Variants in PIK3CD observed in about 807,000 individuals in gnomAD.
PIK3CD encodes the protein phosphatidylinositol-4,5-bisphosphate 3-kinase catalytic subunit delta.
PIK3CD carries 20 observed loss-of-function variants against 122.9 expected under a neutral mutation model. The observed-to-expected ratio is 0.16, with a 90% confidence interval of 0.11 to 0.24. PIK3CD has a LOEUF of 0.24. Ranked by LOEUF, PIK3CD falls within the 10% of genes least tolerant of loss-of-function variation. The probability of loss-of-function intolerance (pLI) is 1.00; values close to 1 mark genes in which losing one functional copy is unlikely to be tolerated. For synonymous variants in PIK3CD, 596 were observed against 593.4 expected (o/e 1.00, Z -0.06); for missense variants, 787 against 1,406.3 (o/e 0.56, Z 7.04).
chr1:9,655,169 G>T (rs1644810805), intron 1 of PIK3CD, among the ~76,000 whole-genome samples: 1 of 152,148 alleles, frequency 6.6e-6, no homozygotes, highest in Non-Finnish European at 1.5e-5. Context: ...AGAGAAGATG[G>T]TCTAGAAGCA....
chr1:9,656,549 T>C (rs979837957), intron 1 of PIK3CD, among the ~76,000 whole-genome samples: 2 of 152,028 alleles, frequency 1.3e-5, no homozygotes, highest in African/African-American at 4.8e-5. Flanking sequence ...GGATCACTTG[T>C]GCCCAGGAGT....
At chr1:9,711,336 C>G (rs1647044915) in intron 3 of PIK3CD, among the ~76,000 whole-genome samples, 1 of 152,154 alleles carries the variant, frequency 6.6e-6, no homozygotes, top group Non-Finnish European at 1.5e-5. Context: ...CTCAAGTGAT[C>G]CACCCGCTTC....
chr1:9,675,510 A>C (rs948260916), intron 1 of PIK3CD, among the ~76,000 whole-genome samples: 1 of 152,134 alleles, frequency 6.6e-6, no homozygotes, highest in Non-Finnish European at 1.5e-5. Flanking sequence ...ACCCAGCCAG[A>C]AAGTGGCAGA....
At chr1:9,706,860 G>A (rs558397135) in intron 2 of PIK3CD, among the ~76,000 whole-genome samples, 133 of 149,630 alleles carry the variant, frequency 8.9e-4, no homozygotes, top group Non-Finnish European at 1.5e-3. Context: ...GTATTGCCAA[G>A]CTGGTGTGTA....
chr1:9,653,689 A>C (rs1644748970), intron 1 of PIK3CD: 2 of 760,104 alleles, frequency 2.6e-6, no homozygotes, highest in African/African-American at 3.6e-5. Flanking sequence ...GCTGCGACCA[A>C]ACGCAAGGAG....
At chr1:9,714,943 G>A (rs1174784631) in intron 3 of PIK3CD, among the ~76,000 whole-genome samples, 1 of 152,076 alleles carries the variant, frequency 6.6e-6, no homozygotes, top group African/African-American at 2.4e-5. Context: ...GGCCGAGGTG[G>A]GTGGATCACC....
At chr1:9,690,992 A>G (rs1646177206) in intron 1 of PIK3CD, among the ~76,000 whole-genome samples, 1 of 151,546 alleles carries the variant, frequency 6.6e-6, no homozygotes. Context: ...CTCCCCTCAC[A>G]CTCTTCCTTT....
rs761958757 is a variant in PIK3CD at position 9,720,627 on chromosome 1, G to A, written c.1487G>A (p.Arg496Gln). Residue 496 changes from arginine to glutamine, a missense_variant, in exon 12 of 24, where the codon CGA becomes CAA. Physicochemically the swap from Arg to Gln is conservative, Grantham distance 43. This residue lies in a region of PIK3CD where 592 missense variants were observed against 920.6 expected (regional missense o/e 0.64). Coordinates refer to ENST00000377346, the MANE Select transcript of PIK3CD (RefSeq NM_005026.5). This position sits in a 1 kb window ranked among gnomAD's most constrained non-coding sequence, Gnocchi z 9.0. The part of the protein sequence containing the change: ...PALEKILELG[R>Q]HSECVHVTEE... ...TTGTTGCAGATCTTGGAGCTGGGGCGACACAGCGAGTGTGTGCATGTCACC... is the reference window on the plus strand; with the variant it reads ...TTGTTGCAGATCTTGGAGCTGGGGCAACACAGCGAGTGTGTGCATGTCACC... The A allele has an allele frequency of 3.7e-5, 48 of 1,285,626 alleles. No individual in the cohort carries two copies. In the East Asian group the frequency reaches 1.6e-3, roughly 43 times the overall value. The allele number at this position is 1,285,626 out of a possible 1,614,324, so 79.6% of individuals were successfully genotyped here.
At chr1:9,632,660 T>C in the PIK3CD span, among the ~76,000 whole-genome samples, 5 of 151,988 alleles carry the variant, frequency 3.3e-5, no homozygotes, top group African/African-American at 1.2e-4. Flanking sequence ...AATTGAACAT[T>C]AGGAACAAGG....
chr1:9,710,530 G>C lies in PIK3CD; in HGVS notation c.75G>C (p.Leu25=). 1 of 1,614,088 alleles carries C rather than the reference G, an allele frequency of 6.2e-7. No homozygotes were observed. Among genetic ancestry groups the C allele is most frequent in the Admixed American group, 1.7e-5 (1 of 60,000 alleles). ...EENQSVVVDF[L]LPTGVYLNFP... The stretch of plus-strand genomic sequence containing the variant: ...ATCAGAGCGTTGTGGTTGACTTCCT[G>C]CTGCCCACAGGGGTCTACCTGAACT... Residue 25 remains leucine, a synonymous_variant, in exon 3 of 24, where the codon CTG becomes CTC. Transcript: ENST00000377346. The surrounding 1 kb of genome is among the most constrained non-coding windows in gnomAD (Gnocchi z 4.7).
Position 9,723,226 on chromosome 1 carries a change from A to G in PIK3CD, c.2528A>G (p.Asn843Ser), listed in dbSNP as rs1334243610. The stretch of plus-strand genomic sequence containing the variant: ...GCCAACATCCAACTCAACAAGAGCA[A>G]CATGGCAGCCACAGCCGCCTTCAAC... ...TIANIQLNKSNMAATAAFNKD... is the reference protein window; with the variant it reads ...TIANIQLNKSSMAATAAFNKD... Residue 843 changes from asparagine to serine, a missense_variant, in exon 20 of 24, where the codon AAC (asparagine) becomes AGC (serine). Physicochemically the swap from Asn to Ser is conservative, Grantham distance 46. This residue lies in a region of PIK3CD where 69 missense variants were observed against 166.8 expected (regional missense o/e 0.41). Transcript: ENST00000377346. The surrounding 1 kb of genome is among the most constrained non-coding windows in gnomAD (Gnocchi z 4.9). 6.2e-7 allele frequency: 1 copy of G among 1,613,940 alleles called. No homozygotes were observed. Among genetic ancestry groups the G allele is most frequent in the East Asian group, 2.2e-5 (1 of 44,884 alleles).
chr1:9,670,237 G>T (rs1199911229), intron 1 of PIK3CD, among the ~76,000 whole-genome samples: 1 of 151,844 alleles, frequency 6.6e-6, no homozygotes, highest in African/African-American at 2.4e-5. Context: ...GTTTCTGATG[G>T]TTTCAAGCAT....
At position 9,670,398 on chromosome 1, in the gene PIK3CD, A is replaced by G. The variant is rs115663907; in HGVS notation, c.-138+18596A>G. Among the ~76,000 whole-genome samples, 914 of 152,258 alleles carry G rather than the reference A, an allele frequency of 6.0e-3. 8 individuals carry two copies. Among genetic ancestry groups the G allele is most frequent in the African/African-American group, 0.021 (859 of 41,540 alleles). ...GAGTGCAGCACATCTAATATGTGAT[A>G]GTTTCCTAAGATGTGAATGGCTCCA... On this transcript the variant is annotated intron_variant, in intron 1 of 23. Transcript: ENST00000377346.
the PIK3CD span, among the ~76,000 whole-genome samples, chr1:9,635,634 A>T: frequency 6.6e-6 from 1 of 152,174 alleles, no homozygotes; most frequent in Non-Finnish European, 1.5e-5. Context: ...GTCACACCTG[A>T]CTGGAGACTG....
At chr1:9,692,950 GA>G (rs545782407) in intron 2 of PIK3CD, among the ~76,000 whole-genome samples, 75 of 152,174 alleles carry the variant, frequency 4.9e-4, no homozygotes, top group African/African-American at 1.8e-3. Flanking sequence ...CCTGTTGGAG[GA>G]TTAGAATTTC....
At chr1:9,648,303 C>T (rs998879721), upstream of PIK3CD, among the ~76,000 whole-genome samples, 1 of 152,196 alleles carries the variant, frequency 6.6e-6, no homozygotes, top group Non-Finnish European at 1.5e-5. Flanking sequence ...GGCATGCCTC[C>T]ATTCTCCCGG....
the PIK3CD span, among the ~76,000 whole-genome samples, chr1:9,631,556 T>C: frequency 6.6e-6 from 1 of 152,196 alleles, no homozygotes; most frequent in Non-Finnish European, 1.5e-5. Context: ...CTCAGGAGGC[T>C]GAGGCAGGAG....
chr1:9,722,730 A>G lies in PIK3CD; in HGVS notation c.2426+124A>G, dbSNP rs1648881747. 4.7e-6 allele frequency: 4 copies of G among 859,256 alleles called. No individual in the cohort carries two copies. In the Admixed American group the frequency reaches 5.9e-5, roughly 13 times the overall value. 53.2% of individuals were successfully genotyped at this position (859,256 alleles called of 1,614,324 possible). A position where few individuals can be genotyped will look rare whatever the true frequency, so the allele number is the denominator to read the frequency against. ...AGCCGGGGAAAGGGCTTTCCTAGGA[A>G]GACCCGGAGGCGGTTTAACTCTAGG... On this transcript the variant is annotated intron_variant, in intron 19 of 23. Transcript: ENST00000377346. This position sits in a 1 kb window ranked among gnomAD's most constrained non-coding sequence, Gnocchi z 7.6.
the PIK3CD span, among the ~76,000 whole-genome samples, chr1:9,644,106 T>C: frequency 1.3e-5 from 2 of 152,152 alleles, no homozygotes; most frequent in Admixed American, 1.3e-4. Flanking sequence ...GTGAAGCCAC[T>C]CCGGGTTGAG....
Sources: allele counts gnomAD v4.1 joint callset (sites outside exome capture counted in the v4.1 genomes callset), GRCh38; gene constraint gnomAD v4.1.1; regional missense constraint gnomAD v4.1.1; non-coding constraint Gnocchi (gnomAD v3.1); transcripts MANE v1.5; gene names NCBI Gene and HGNC (gene_info 2026-07-23, HGNC 2026-07-21).